Variants in RBFOX1 observed in about 807,000 individuals in gnomAD.
RBFOX1 encodes the protein RNA binding protein fox-1 homolog 1.
A neutral mutation model predicts 57.7 loss-of-function variants in RBFOX1; 8 were observed. The ratio of observed to expected loss-of-function variants is 0.14; its 90% confidence interval spans 0.08 to 0.25. The LOEUF is 0.25. Ranked by LOEUF, RBFOX1 falls within the 10% of genes least tolerant of loss-of-function variation. The pLI is 1.00. For synonymous variants in RBFOX1, 326 were observed against 222.4 expected, an observed-to-expected ratio of 1.47 and a Z score of -4.15; for missense variants, 611 against 548.5, an observed-to-expected ratio of 1.11 and a Z score of -1.14.
At chr16:5,769,859 A>G (rs574149950) in intron 3 of RBFOX1, among the ~76,000 whole-genome samples, 3 of 152,278 alleles carry the variant, frequency 2.0e-5, no homozygotes, top group East Asian at 3.9e-4. Context: ...TGTTTGAGCC[A>G]CCCAATTTGT....
At chr16:7,367,897 C>CACACACAA (rs1555789569) in intron 4 of RBFOX1, among the ~76,000 whole-genome samples, 396 of 149,360 alleles carry the variant, frequency 2.7e-3, no homozygotes, top group Non-Finnish European at 4.2e-3. Flanking sequence ...CACACACACA[C>CACACACAA]ACACACACAC....
At chr16:6,536,053 A>G (rs1355504290) in intron 2 of RBFOX1, among the ~76,000 whole-genome samples, 2 of 152,198 alleles carry the variant, frequency 1.3e-5, no homozygotes, top group Non-Finnish European at 2.9e-5. Flanking sequence ...GCCTTTGGGA[A>G]TGGACATCTT....
chr16:7,152,300 A>G (rs1397841333), intron 4 of RBFOX1, among the ~76,000 whole-genome samples: 1 of 152,172 alleles, frequency 6.6e-6, no homozygotes, highest in Non-Finnish European at 1.5e-5. Flanking sequence ...CAGTGGAAAG[A>G]GAGATGTTGC....
chr16:5,441,247 C>T (rs974609410), intron 1 of RBFOX1, among the ~76,000 whole-genome samples: 6 of 151,996 alleles, frequency 3.9e-5, no homozygotes, highest in African/African-American at 9.7e-5. Flanking sequence ...CTCCTTCTTT[C>T]ATTCAGTTTT....
At chr16:5,904,381 T>C (rs1597720045) in intron 4 of RBFOX1, among the ~76,000 whole-genome samples, 6 of 151,984 alleles carry the variant, frequency 3.9e-5, no homozygotes, top group Admixed American at 3.9e-4. Flanking sequence ...TGGGGACAGG[T>C]GTTTAGGAGC....
At chr16:5,421,661 A>T (rs2067331457) in intron 1 of RBFOX1, among the ~76,000 whole-genome samples, 1 of 152,222 alleles carries the variant, frequency 6.6e-6, no homozygotes. Context: ...AGCCAGGCTT[A>T]TTTTATTCTT....
chr16:7,022,766 G>C (rs1213577189), intron 3 of RBFOX1, among the ~76,000 whole-genome samples: 1 of 152,108 alleles, frequency 6.6e-6, no homozygotes, highest in African/African-American at 2.4e-5. Context: ...CTAATGTTTG[G>C]TATATTAGCT....
intron 2 of RBFOX1, among the ~76,000 whole-genome samples, chr16:6,377,230 T>A (rs910321114): frequency 2.8e-5 from 4 of 144,064 alleles, no homozygotes; most frequent in Non-Finnish European, 5.9e-5. Context: ...GCCAAGGTCA[T>A]GCAACTGCAC....
At chr16:6,514,527 A>T (rs76533406) in intron 2 of RBFOX1, among the ~76,000 whole-genome samples, 2 of 152,114 alleles carry the variant, frequency 1.3e-5, no homozygotes, top group African/African-American at 2.4e-5. Context: ...TTGTGTTTCA[A>T]TGATGTTTGT....
At chr16:5,496,906 C>A (rs2043020014) in intron 2 of RBFOX1, among the ~76,000 whole-genome samples, 1 of 152,198 alleles carries the variant, frequency 6.6e-6, no homozygotes, top group South Asian at 2.1e-4. Flanking sequence ...CATTGATTTT[C>A]CATGAGTAAT....
intron 3 of RBFOX1, among the ~76,000 whole-genome samples, chr16:6,967,582 C>A (rs543187809): frequency 6.6e-6 from 1 of 152,090 alleles, no homozygotes; most frequent in African/African-American, 2.4e-5. Context: ...TACATGTCAT[C>A]AGCTTCTCTA....
chr16:6,436,444 C>T (rs538765065), intron 2 of RBFOX1, among the ~76,000 whole-genome samples: 115 of 151,610 alleles, frequency 7.6e-4, no homozygotes, highest in African/African-American at 2.6e-3. Flanking sequence ...ATGATACAGA[C>T]CAAATTGCAG....
At chr16:7,319,953 G>A (rs2096515566) in intron 4 of RBFOX1, among the ~76,000 whole-genome samples, 1 of 152,196 alleles carries the variant, frequency 6.6e-6, no homozygotes, top group South Asian at 2.1e-4. Flanking sequence ...CACATAGTGA[G>A]ACCTAGGAAA....
intron 3 of RBFOX1, among the ~76,000 whole-genome samples, chr16:6,657,106 T>C (rs1362404331): frequency 1.0e-4 from 13 of 125,758 alleles, no homozygotes; most frequent in African/African-American, 3.6e-4. Context: ...TACTCTCCTC[T>C]CCTCCCCTCT....
At chr16:6,356,313 G>A (rs573129133) in intron 2 of RBFOX1, among the ~76,000 whole-genome samples, 23 of 152,294 alleles carry the variant, frequency 1.5e-4, no homozygotes, top group African/African-American at 4.8e-4. Context: ...TCAGGGTCAC[G>A]TCAGCCAGCA....
chr16:6,372,947 A>T (rs1402966387), intron 2 of RBFOX1, among the ~76,000 whole-genome samples: 2 of 145,668 alleles, frequency 1.4e-5, no homozygotes, highest in Non-Finnish European at 3.0e-5. Context: ...ATTGTTGTGT[A>T]GAATGGAGAT....
intron 1 of RBFOX1, among the ~76,000 whole-genome samples, chr16:6,044,170 A>G (rs1485141344): frequency 1.3e-5 from 2 of 152,230 alleles, no homozygotes; most frequent in African/African-American, 2.4e-5. Flanking sequence ...AGAAAAAAAC[A>G]AAACAAAACA....
intron 3 of RBFOX1, among the ~76,000 whole-genome samples, chr16:6,726,375 TAAAAA>T (rs1472082802): frequency 6.7e-6 from 1 of 148,178 alleles, no homozygotes; most frequent in African/African-American, 2.5e-5. Flanking sequence ...AAATAATAAA[TAAAAA>T]TAAAACGCTA....
chr16:5,937,650 G>A (rs951793438), intron 4 of RBFOX1, among the ~76,000 whole-genome samples: 25 of 149,430 alleles, frequency 1.7e-4, no homozygotes, highest in African/African-American at 6.1e-4. Flanking sequence ...TATATATATA[G>A]CTACATATAG....
Sources: gnomAD v4.1 joint callset for allele counts (sites outside exome capture counted in the v4.1 genomes callset) on GRCh38, gnomAD v4.1.1 for gene constraint, MANE v1.5 for transcripts, NCBI Gene and HGNC (gene_info 2026-07-23, HGNC 2026-07-21) for gene names.